Variants in TG observed in about 807,000 individuals in gnomAD.
TG encodes the protein thyroglobulin.
A neutral mutation model predicts 324.7 loss-of-function variants in TG; 270 were observed. The observed-to-expected ratio is 0.83, with a 90% CI of 0.75 to 0.92. The LOEUF is 0.92. TG is among the 40% of genes least tolerant of loss of function. The pLI is 0.00. For missense variants in TG, 3,591 were observed against 3,456.4 expected, an observed-to-expected ratio of 1.04 and a Z score of -0.98; for synonymous variants, 1,401 against 1,327.0, an observed-to-expected ratio of 1.06 and a Z score of -1.21.
intron 41 of TG, among the ~76,000 whole-genome samples, chr8:133,069,249 C>CT (rs1344908205): frequency 1.3e-5 from 2 of 152,212 alleles, no homozygotes; most frequent in Non-Finnish European, 2.9e-5. Flanking sequence ...GTTACTTTTC[C>CT]TTTTTATTCG....
At position 132,882,972 on chromosome 8, in the gene TG, C is replaced by A. The variant is rs757630170; in HGVS notation, c.1048C>A (p.Arg350=). 1 of 1,613,964 alleles carries A rather than the reference C, an allele frequency of 6.2e-7. No individual in the cohort carries two copies. The highest frequency in any genetic ancestry group is 8.5e-7 in the Non-Finnish European group (1 of 1,179,946). ...DAQGKEMHGT[R]QQGEPPSCAE... The stretch of plus-strand genomic sequence containing the variant: ...CCAGGGGAAGGAAATGCATGGAACC[C>A]GGCAGCAAGGGGAGCCGCCATCTTG... Residue 350 remains arginine, a synonymous_variant, in exon 8 of 48, where the codon CGG becomes AGG. Transcript: ENST00000220616.
At chr8:133,116,556 T>A in intron 44 of TG, 53 bp from the exon 45 acceptor site, 1 of 1,539,044 alleles carries the variant, frequency 6.5e-7, no homozygotes, top group Non-Finnish European at 9.0e-7. Context: ...CCAGGCACCA[T>A]GGCCCATAGA....
At chr8:132,881,817 T>C (rs749987933) in intron 5 of TG, 46 bp from the exon 6 acceptor site, 1 of 1,340,486 alleles carries the variant, frequency 7.5e-7, no homozygotes, top group Non-Finnish European at 1.1e-6. Flanking sequence ...AAGCTTGTGA[T>C]GACTTGCCTT....
intron 44 of TG, among the ~76,000 whole-genome samples, chr8:133,114,270 C>T (rs554322269): frequency 1.3e-4 from 20 of 152,256 alleles, no homozygotes; most frequent in Admixed American, 1.3e-4. Flanking sequence ...CATGCCTTGT[C>T]CCCATTCAAG....
chr8:132,897,681 C>A lies in TG; in HGVS notation c.3034C>A (p.Pro1012Thr). ...CTTCTATCAGAGACGCCGCTTTTCC[C>A]CGGACGACTCGGCTGGAGCATCCGC... Reference protein sequence around the residue: ...LSFYQRRRFSPDDSAGASALL... With the variant: ...LSFYQRRRFSTDDSAGASALL... The change falls in exon 12 of 48, where the codon CCG (proline) becomes ACG (threonine). Residue 1012 changes from proline (P) to threonine (T), a missense_variant. By Grantham distance (38) the Pro-to-Thr change is conservative. Transcript: ENST00000220616. 6.2e-7 allele frequency: 1 copy of A among 1,614,214 alleles called. No individual in the cohort carries two copies.
intron 35 of TG, among the ~76,000 whole-genome samples, chr8:133,000,567 G>A (rs1833363521): frequency 6.6e-6 from 1 of 152,224 alleles, no homozygotes; most frequent in African/African-American, 2.4e-5. Flanking sequence ...AATGTGCAAT[G>A]CCACCTCTTA....
rs752525354 is a variant in TG, at chr8:132,900,224, G to C, written c.3331-13G>C. On this transcript the variant is annotated splice_polypyrimidine_tract_variant and intron_variant, in intron 14 of 47. Coordinates refer to ENST00000220616, the MANE Select transcript of TG (RefSeq NM_003235.5). ...TGCCCACAGTGACTGACATGACCCCGGCTTTGTCTCAGACAGGAGAGTATG... is the reference window on the plus strand; with the variant it reads ...TGCCCACAGTGACTGACATGACCCCCGCTTTGTCTCAGACAGGAGAGTATG... The C allele has an allele frequency of 2.8e-5, 45 of 1,612,592 alleles. No homozygotes were observed. Among genetic ancestry groups the C allele is most frequent in the Non-Finnish European group, 3.6e-5 (43 of 1,179,336 alleles).
At chr8:133,073,769 C>T (rs1415136213) in intron 41 of TG, among the ~76,000 whole-genome samples, 2 of 152,102 alleles carry the variant, frequency 1.3e-5, no homozygotes, top group Non-Finnish European at 2.9e-5. Context: ...CGCTTGTTCT[C>T]GCTGAGGCTC....
chr8:132,871,200 G>A, intron 3 of TG, 148 bp from the exon 4 acceptor site: 4 of 793,010 alleles, frequency 5.0e-6, no homozygotes, highest in South Asian at 4.4e-5. Context: ...GGCCTGTTCT[G>A]TGGCTGCCAC....
intron 20 of TG, among the ~76,000 whole-genome samples, chr8:132,917,162 G>A (rs1308912608): frequency 6.6e-6 from 1 of 151,530 alleles, no homozygotes; most frequent in African/African-American, 2.4e-5. Flanking sequence ...ACACACTCAG[G>A]GAGGCAAAAA....
chr8:132,883,918 C>T (rs1359723996), intron 8 of TG, among the ~76,000 whole-genome samples: 2 of 152,126 alleles, frequency 1.3e-5, no homozygotes, highest in South Asian at 2.1e-4. Flanking sequence ...AGGGTGTCAG[C>T]GGGGCCGTGC....
chr8:132,935,938 G>A, intron 25 of TG, 74 bp downstream of exon 25: 1 of 1,226,836 alleles, frequency 8.2e-7, no homozygotes, highest in Non-Finnish European at 1.2e-6. Context: ...GTTTCCAGCA[G>A]GTGCATGTGA....
Position 132,913,214 on chromosome 8 carries a change from G to A in TG, c.4327G>A (p.Gly1443Arg), listed in dbSNP as rs756562460. ...SPRTWFGCSE[G>R]FYQVLTSEAS... is the part of the protein sequence containing the mutation. ...CAGGACATGGTTTGGGTGCTCGGAA[G>A]GATTCTACCAAGTCTTGACAAGTGA... The change falls in exon 20 of 48, where the codon GGA becomes AGA. Residue 1443 changes from glycine to arginine, a missense_variant. Gly to Arg is a moderately radical substitution (Grantham distance 125). Transcript: ENST00000220616. The A allele has an allele frequency of 6.2e-7, 1 of 1,614,056 alleles. No individual in the cohort carries two copies. The highest frequency in any genetic ancestry group is 8.5e-7 in the Non-Finnish European group (1 of 1,180,036).
At chr8:132,899,014 G>T in intron 14 of TG, 104 bp downstream of exon 14, 1 of 1,017,314 alleles carries the variant, frequency 9.8e-7, no homozygotes, top group Non-Finnish European at 1.5e-6. Context: ...AAGCTCACAT[G>T]ATGTTCTCAG....
chr8:132,966,571 G>A lies in TG; in HGVS notation c.5560G>A (p.Glu1854Lys). Residue 1854 changes from glutamate to lysine, a missense_variant, in exon 30 of 48, where the codon GAA becomes AAA. Physicochemically the swap from Glu to Lys is moderately conservative, Grantham distance 56. Transcript: ENST00000220616. ...ASPTEAGLTTELFSPVDLNQV... is the reference protein window; with the variant it reads ...ASPTEAGLTTKLFSPVDLNQV... ...TGCTTCTTTTTCAGGTTTGACAACAGAACTTTTCTCCCCTGTGGACCTCAA... is the reference window on the plus strand; with the variant it reads ...TGCTTCTTTTTCAGGTTTGACAACAAAACTTTTCTCCCCTGTGGACCTCAA... 1.2e-6 allele frequency: 2 copies of A among 1,614,026 alleles called. No individual in the cohort carries two copies. Among genetic ancestry groups the A allele is most frequent in the South Asian group, 1.1e-5 (1 of 91,070 alleles).
In TG at chr8:132,873,089, G is replaced by A. The variant is rs756627185; in HGVS notation, c.506G>A (p.Arg169His). The change falls in exon 5 of 48, where the codon CGT (arginine) becomes CAT (histidine). Residue 169 changes from arginine to histidine, a missense_variant. By Grantham distance (29) the Arg-to-His change is conservative. Transcript: ENST00000220616. ...RCPRSCEIRN[R>H]RLLHGVGDKS... The stretch of plus-strand genomic sequence containing the variant: ...CCAAGGAGCTGTGAAATAAGAAATC[G>A]TCGTCTTCTCCACGGGGTGGGAGAT... 31 of 1,613,968 alleles carry A rather than the reference G, an allele frequency of 1.9e-5. No homozygotes were observed. The highest frequency in any genetic ancestry group is 1.6e-4 in the Middle Eastern group (1 of 6,080).
At chr8:132,995,353 A>C (rs367603556) in intron 35 of TG, 52 of 985,222 alleles carry the variant, frequency 5.3e-5, no homozygotes, top group Middle Eastern at 1.0e-3. Context: ...GCTCCTGCAG[A>C]GATCAGACAC....
intron 45 of TG, among the ~76,000 whole-genome samples, chr8:133,121,922 T>C (rs1018406866): frequency 6.6e-6 from 1 of 152,232 alleles, no homozygotes; most frequent in Non-Finnish European, 1.5e-5. Context: ...CATTTGATTT[T>C]TGGCAAGTTT....
At chr8:132,957,551 CAGAG>C (rs1354412145) in intron 27 of TG, among the ~76,000 whole-genome samples, 1 of 151,944 alleles carries the variant, frequency 6.6e-6, no homozygotes, top group Non-Finnish European at 1.5e-5. Context: ...ATAAGAGTCT[CAGAG>C]AGAGTGAAAT....
Sources: gnomAD v4.1 joint callset for allele counts (sites outside exome capture counted in the v4.1 genomes callset) on GRCh38, gnomAD v4.1.1 for gene constraint, MANE v1.5 for transcripts, NCBI Gene and HGNC (gene_info 2026-07-23, HGNC 2026-07-21) for gene names.